NBEA: variants seen among roughly 807,000 people sequenced by gnomAD.
The protein encoded by NBEA is lysosomal-trafficking regulator 2.
NBEA carries 44 observed loss-of-function variants against 343.4 expected under a neutral mutation model. The ratio of observed to expected loss-of-function variants is 0.13; its 90% confidence interval spans 0.10 to 0.16. The LOEUF is 0.16. Ranked by LOEUF, NBEA falls within the 10% of genes least tolerant of loss-of-function variation. The pLI is 1.00. For synonymous variants in NBEA, 1,175 were observed against 1,238.7 expected (o/e 0.95, Z 1.08); for missense variants, 2,555 against 3,631.3 (o/e 0.70, Z 7.62).
chr13:35,669,106 A>G lies in NBEA; in HGVS notation c.8813+587A>G, dbSNP rs571882701. Among the ~76,000 whole-genome samples the G allele has an allele frequency of 7.5e-4, 115 of 152,322 alleles. 1 individual carries two copies. The highest frequency in any genetic ancestry group is 2.4e-3 in the African/African-American group (98 of 41,572). On this transcript the variant is annotated intron_variant, in intron 58 of 58. Transcript: ENST00000379939. Reference sequence around the variant, plus strand: ...ATCCTTTAATCCAGCTCTTTCTTGGAAAGAGTTGATATGGATGTTAATCAA... The same window carrying G: ...ATCCTTTAATCCAGCTCTTTCTTGGGAAGAGTTGATATGGATGTTAATCAA...
intron 38 of NBEA, among the ~76,000 whole-genome samples, chr13:35,411,879 C>A (rs2043609291): frequency 6.6e-6 from 1 of 152,002 alleles, no homozygotes; most frequent in Non-Finnish European, 1.5e-5. Flanking sequence ...CTTCTGATTT[C>A]TTTAATTCTT....
intron 41 of NBEA, among the ~76,000 whole-genome samples, chr13:35,517,911 C>T (rs2077546854): frequency 6.6e-6 from 1 of 152,146 alleles, no homozygotes; most frequent in Admixed American, 6.5e-5. Context: ...ATAAAATTAT[C>T]TGACAGTCTC....
intron 35 of NBEA, among the ~76,000 whole-genome samples, chr13:35,307,010 A>G (rs577163075): frequency 6.6e-6 from 1 of 152,190 alleles, no homozygotes; most frequent in East Asian, 1.9e-4. Flanking sequence ...TGTAAATCCA[A>G]CAAATTCAGA....
At chr13:35,085,880 C>T (rs977307137) in intron 10 of NBEA, among the ~76,000 whole-genome samples, 5 of 152,120 alleles carry the variant, frequency 3.3e-5, no homozygotes, top group African/African-American at 9.7e-5. Context: ...GCAACTTCAG[C>T]GAAGTCTCAG....
chr13:35,060,005 G>T (rs1408277835), intron 8 of NBEA, among the ~76,000 whole-genome samples: 1 of 151,548 alleles, frequency 6.6e-6, no homozygotes, highest in African/African-American at 2.4e-5. Context: ...TGTTGGGTTT[G>T]CATCCTGGTT....
chr13:35,583,876 A>T, intron 45 of NBEA, 22 bp from the exon 46 acceptor site: 1 of 1,590,308 alleles, frequency 6.3e-7, no homozygotes, highest in Non-Finnish European at 8.6e-7. Flanking sequence ...TATTAAACAA[A>T]ATATTTTTTT....
intron 38 of NBEA, among the ~76,000 whole-genome samples, chr13:35,357,914 T>A (rs1171241662): frequency 3.3e-5 from 5 of 152,218 alleles, no homozygotes; most frequent in Non-Finnish European, 7.3e-5. Context: ...TTTCTGTTAG[T>A]CTGCTCTTTG....
chr13:35,573,429 A>G (rs562841391), intron 45 of NBEA, among the ~76,000 whole-genome samples: 6 of 152,314 alleles, frequency 3.9e-5, no homozygotes, highest in Middle Eastern at 6.8e-3. Flanking sequence ...AGAAAAGTGC[A>G]ACTAAAAAGG....
At chr13:35,082,449 A>G (rs930581636) in intron 10 of NBEA, among the ~76,000 whole-genome samples, 3 of 152,116 alleles carry the variant, frequency 2.0e-5, no homozygotes, top group African/African-American at 4.8e-5. Context: ...GGGATGGCTG[A>G]GTCAAATGAT....
intron 1 of NBEA, among the ~76,000 whole-genome samples, chr13:34,949,550 G>A (rs1162267846): frequency 6.6e-6 from 1 of 152,138 alleles, no homozygotes; most frequent in Admixed American, 6.5e-5. Flanking sequence ...GGTAGTGAAT[G>A]TGTTCATTTT....
intron 41 of NBEA, among the ~76,000 whole-genome samples, chr13:35,473,701 A>G (rs2075747987): frequency 6.6e-6 from 1 of 152,210 alleles, no homozygotes; most frequent in Non-Finnish European, 1.5e-5. Context: ...AGCTTGCCCT[A>G]TGAAGTCAAA....
chr13:35,376,296 G>A (rs1156375340), intron 38 of NBEA, among the ~76,000 whole-genome samples: 1 of 152,068 alleles, frequency 6.6e-6, no homozygotes, highest in South Asian at 2.1e-4. Flanking sequence ...TAATTCTGGA[G>A]TGAAAGCCTT....
At chr13:35,009,753 G>A (rs1170958730) in intron 1 of NBEA, among the ~76,000 whole-genome samples, 1 of 152,146 alleles carries the variant, frequency 6.6e-6, no homozygotes, top group Non-Finnish European at 1.5e-5. Flanking sequence ...GGTGGATGCA[G>A]AGACACCACC....
intron 39 of NBEA, among the ~76,000 whole-genome samples, chr13:35,448,347 T>TTA (rs2046145631): frequency 6.6e-6 from 1 of 152,186 alleles, no homozygotes; most frequent in East Asian, 1.9e-4. Context: ...AAAACTTGCT[T>TTA]TATTAGATTA....
intron 47 of NBEA, among the ~76,000 whole-genome samples, chr13:35,594,176 A>T (rs1216655582): frequency 2.0e-5 from 3 of 152,108 alleles, no homozygotes; most frequent in Non-Finnish European, 4.4e-5. Flanking sequence ...GTTATTGCAT[A>T]GGTAAATGTG....
chr13:35,248,930 A>G (rs2031595895), intron 34 of NBEA, among the ~76,000 whole-genome samples: 1 of 152,108 alleles, frequency 6.6e-6, no homozygotes, highest in Non-Finnish European at 1.5e-5. Context: ...CAGGCAGATC[A>G]CCTGAGGTCG....
At chr13:35,557,328 T>G (rs1458971492) in intron 44 of NBEA, among the ~76,000 whole-genome samples, 1 of 152,090 alleles carries the variant, frequency 6.6e-6, no homozygotes, top group East Asian at 1.9e-4. Flanking sequence ...GCCTGTTACT[T>G]TCTGGGAGTC....
At chr13:35,132,259 G>A (rs2152686332) in intron 17 of NBEA, among the ~76,000 whole-genome samples, 1 of 152,236 alleles carries the variant, frequency 6.6e-6, no homozygotes, top group South Asian at 2.1e-4. Flanking sequence ...CCATGTTCAA[G>A]CGATTCTTCT....
At chr13:35,086,993 T>C (rs1283789346) in intron 10 of NBEA, among the ~76,000 whole-genome samples, 1 of 151,428 alleles carries the variant, frequency 6.6e-6, no homozygotes, top group Non-Finnish European at 1.5e-5. Context: ...TTAATGGGGT[T>C]ATTTTTTTTT....
Sources: gnomAD v4.1 joint callset for allele counts (sites outside exome capture counted in the v4.1 genomes callset) on GRCh38, gnomAD v4.1.1 for gene constraint, MANE v1.5 for transcripts, NCBI Gene and HGNC (gene_info 2026-07-23, HGNC 2026-07-21) for gene names.